The following DLG2 variants were observed in gnomAD, a reference collection of about 807,000 sequenced individuals.
The protein encoded by DLG2 is disks large homolog 2.
A neutral mutation model predicts 132.5 loss-of-function variants in DLG2; 45 were observed. The observed-to-expected ratio is 0.34, with a 90% confidence interval of 0.27 to 0.44. The LOEUF (loss-of-function observed/expected upper bound fraction) is 0.44, where lower values mean the gene tolerates loss of function less well. Ranked by LOEUF, DLG2 falls within the 20% of genes least tolerant of loss-of-function variation. The probability of loss-of-function intolerance (pLI) is 1.00; values close to 1 mark genes in which losing one functional copy is unlikely to be tolerated. For missense variants in DLG2, 1,045 were observed against 1,196.9 expected (o/e 0.87, Z 1.87); for synonymous variants, 424 against 419.6 (o/e 1.01, Z -0.13).
intron 11 of DLG2, among the ~76,000 whole-genome samples, chr11:83,998,144 G>T (rs1388204091): frequency 6.6e-6 from 1 of 151,770 alleles, no homozygotes; most frequent in East Asian, 1.9e-4. Context: ...TCAAAAAAAA[G>T]AAAAAAAGAA....
At chr11:83,997,131 A>T (rs984501784) in intron 11 of DLG2, among the ~76,000 whole-genome samples, 1 of 151,958 alleles carries the variant, frequency 6.6e-6, no homozygotes, top group Non-Finnish European at 1.5e-5. Flanking sequence ...TAAAAAAAAA[A>T]AAATAAAAAA....
intron 6 of DLG2, among the ~76,000 whole-genome samples, chr11:84,926,688 T>C (rs1008233642): frequency 6.6e-6 from 1 of 151,824 alleles, no homozygotes; most frequent in Non-Finnish European, 1.5e-5. Flanking sequence ...CTCTATACTA[T>C]AGGAAATCAT....
Position 83,515,364 on chromosome 11 carries a change from G to A in DLG2, c.2193+17344C>T, listed in dbSNP as rs180894615. Reference sequence around the variant, plus strand: ...TGGTAGTTTGTGTTTCTGTGGGATCGGTGGTGATATCCCCTTTATCATTTT... The same window carrying A: ...TGGTAGTTTGTGTTTCTGTGGGATCAGTGGTGATATCCCCTTTATCATTTT... On this transcript the variant is annotated intron_variant, in intron 21 of 27. Transcript: ENST00000376104. 3.6e-3 allele frequency among the ~76,000 whole-genome samples: 542 copies of A among 152,034 alleles called. 5 individuals carry two copies. Among genetic ancestry groups the A allele is most frequent in the African/African-American group, 0.011 (464 of 41,450 alleles).
rs180835693 is a variant in DLG2 at position 85,248,525 on chromosome 11, T to C, written c.186+36695A>G. Among the ~76,000 whole-genome samples, 41 of 152,162 alleles carry C rather than the reference T, an allele frequency of 2.7e-4. 1 individual carries two copies. In the East Asian group the frequency reaches 5.4e-3, roughly 20 times the overall value. ...TACCTGGCCAGCCATGTCTCATGAA[T>C]ATGAATTAGAATCACAGCTTCAGAG... On this transcript the variant is annotated intron_variant, in intron 4 of 27. Coordinates refer to ENST00000376104, the MANE Select transcript of DLG2 (RefSeq NM_001142699.3).
chr11:84,293,804 T>C (rs917547308), intron 7 of DLG2, among the ~76,000 whole-genome samples: 2 of 152,246 alleles, frequency 1.3e-5, no homozygotes, highest in African/African-American at 4.8e-5. Context: ...GATGATTATA[T>C]GGACAATCTA....
At chr11:84,494,988 G>A (rs2099177038) in intron 7 of DLG2, among the ~76,000 whole-genome samples, 1 of 151,964 alleles carries the variant, frequency 6.6e-6, no homozygotes, top group Non-Finnish European at 1.5e-5. Flanking sequence ...AACACCATGG[G>A]AAATGACATA....
At chr11:83,687,632 AATTTTT>A (rs2080048943) in intron 18 of DLG2, among the ~76,000 whole-genome samples, 1 of 152,026 alleles carries the variant, frequency 6.6e-6, no homozygotes, top group Admixed American at 6.6e-5. Flanking sequence ...TTTTTTCGTA[AATTTTT>A]ATTTTGTTTT....
chr11:84,791,891 G>C (rs944285396), intron 6 of DLG2, among the ~76,000 whole-genome samples: 2 of 151,940 alleles, frequency 1.3e-5, no homozygotes, highest in Non-Finnish European at 2.9e-5. Flanking sequence ...GGATAATTTG[G>C]TATCTGCTTT....
At chr11:83,790,643 T>C (rs1244900084) in intron 17 of DLG2, 3 of 1,182,658 alleles carry the variant, frequency 2.5e-6, no homozygotes, top group African/African-American at 3.0e-5. Flanking sequence ...GAGGTAGCAA[T>C]GGTGAGAGTG....
chr11:84,993,327 G>A (rs1009766722), intron 6 of DLG2, among the ~76,000 whole-genome samples: 4 of 152,146 alleles, frequency 2.6e-5, no homozygotes, highest in South Asian at 2.1e-4. Context: ...CCTTAAAACC[G>A]AGATGACAGG....
At chr11:85,474,825 C>T (rs2093091055) in intron 3 of DLG2, among the ~76,000 whole-genome samples, 1 of 150,690 alleles carries the variant, frequency 6.6e-6, no homozygotes, top group African/African-American at 2.4e-5. Flanking sequence ...TTTAAATGGC[C>T]ACATGGTTAC....
chr11:85,225,072 C>A (rs907262920), intron 4 of DLG2, among the ~76,000 whole-genome samples: 35 of 152,124 alleles, frequency 2.3e-4, no homozygotes, highest in African/African-American at 8.4e-4. Context: ...TTTCTTCTTG[C>A]CTAAATTAGG....
intron 7 of DLG2, among the ~76,000 whole-genome samples, chr11:84,259,651 T>C (rs1200732314): frequency 2.6e-5 from 4 of 152,182 alleles, no homozygotes; most frequent in African/African-American, 9.7e-5. Context: ...GCCTGGATGG[T>C]TACCTACCTA....
At chr11:85,173,164 T>A (rs2078996420) in intron 4 of DLG2, among the ~76,000 whole-genome samples, 1 of 152,220 alleles carries the variant, frequency 6.6e-6, no homozygotes, top group Non-Finnish European at 1.5e-5. Flanking sequence ...CCAAGATGCA[T>A]AATCGTCAGA....
intron 6 of DLG2, among the ~76,000 whole-genome samples, chr11:84,571,930 C>T (rs1467888973): frequency 6.6e-6 from 1 of 152,078 alleles, no homozygotes; most frequent in Non-Finnish European, 1.5e-5. Flanking sequence ...ACTCTGGATA[C>T]TTCTTTTGCT....
chr11:85,105,911 G>T (rs549094982), intron 6 of DLG2, among the ~76,000 whole-genome samples: 77 of 151,168 alleles, frequency 5.1e-4, no homozygotes, highest in Non-Finnish European at 9.7e-4. Flanking sequence ...GCCATGGTCT[G>T]TGTATTTATG....
At chr11:84,453,910 C>A (rs2099058399) in intron 7 of DLG2, among the ~76,000 whole-genome samples, 1 of 151,558 alleles carries the variant, frequency 6.6e-6, no homozygotes. Context: ...GGATCAGAAG[C>A]CGTTCTTCTT....
chr11:85,083,200 C>T (rs1227793712), intron 6 of DLG2, among the ~76,000 whole-genome samples: 1 of 152,106 alleles, frequency 6.6e-6, no homozygotes, highest in Admixed American at 6.5e-5. Flanking sequence ...AGCAGTTATA[C>T]AGCAAAAGAA....
At chr11:84,640,133 C>G (rs972367230) in intron 6 of DLG2, 1 of 303,278 alleles carries the variant, frequency 3.3e-6, no homozygotes, top group Non-Finnish European at 6.3e-6. Flanking sequence ...AACTCAGTCT[C>G]CTTGGAAAGA....
Sources: allele counts gnomAD v4.1 joint callset (sites outside exome capture counted in the v4.1 genomes callset), GRCh38; gene constraint gnomAD v4.1.1; transcripts MANE v1.5; gene names NCBI Gene and HGNC (gene_info 2026-07-23, HGNC 2026-07-21).